ANKRD28: variants seen among roughly 807,000 people sequenced by gnomAD.
The protein encoded by ANKRD28 is serine/threonine-protein phosphatase 6 regulatory ankyrin repeat subunit A.
In ANKRD28, 44 loss-of-function variants were observed where a neutral mutation model predicts 126.5. That is an observed-to-expected ratio of 0.35 (90% CI 0.27 to 0.45). The LOEUF (loss-of-function observed/expected upper bound fraction) is 0.45. Ranked by LOEUF, ANKRD28 falls within the 20% of genes least tolerant of loss-of-function variation. ANKRD28 has a pLI of 1.00. For synonymous variants in ANKRD28, 442 were observed against 468.5 expected, an observed-to-expected ratio of 0.94 and a Z score of 0.73; for missense variants, 1,110 against 1,316.6, an observed-to-expected ratio of 0.84 and a Z score of 2.43.
At chr3:15,739,559 T>A (rs2075292253) in intron 4 of ANKRD28, among the ~76,000 whole-genome samples, 2 of 152,214 alleles carry the variant, frequency 1.3e-5, no homozygotes, top group African/African-American at 4.8e-5. Flanking sequence ...TAACCCTAAA[T>A]GTTCTTATCT....
At position 15,833,249 on chromosome 3, in the gene ANKRD28, C is replaced by T. The variant is rs2061243867; in HGVS notation, c.27+26128G>A. On this transcript the variant is annotated intron_variant, in intron 1 of 27. Coordinates refer to the ANKRD28 transcript ENST00000399451. This position sits in a 1 kb window ranked among gnomAD's most constrained non-coding sequence, Gnocchi z 4.4. Reference sequence around the variant, plus strand: ...GAGTAGGCACCATCTAATCAGCTGTCAGCACAGCTGGAATATGAAGTAGGC... The same window carrying T: ...GAGTAGGCACCATCTAATCAGCTGTTAGCACAGCTGGAATATGAAGTAGGC... Among the ~76,000 whole-genome samples the T allele has an allele frequency of 6.6e-6, 1 of 152,084 alleles. No individual in the cohort carries two copies. The highest frequency in any genetic ancestry group is 1.5e-5 in the Non-Finnish European group (1 of 68,018).
intron 2 of ANKRD28, among the ~76,000 whole-genome samples, chr3:15,785,332 T>C (rs770223865): frequency 6.0e-4 from 91 of 152,138 alleles, no homozygotes; most frequent in Non-Finnish European, 1.1e-3. Context: ...TAAAGAACTG[T>C]TATCCAAAAT....
At chr3:15,782,694 A>G (rs1338609504) in intron 2 of ANKRD28, among the ~76,000 whole-genome samples, 2 of 152,092 alleles carry the variant, frequency 1.3e-5, no homozygotes, top group African/African-American at 4.8e-5. Context: ...ACCTGAATCA[A>G]TCAATAGACT....
At chr3:15,690,820 TTGGTCTC>T (rs1042417276) in intron 17 of ANKRD28, among the ~76,000 whole-genome samples, 2 of 152,122 alleles carry the variant, frequency 1.3e-5, no homozygotes, top group Non-Finnish European at 2.9e-5. Flanking sequence ...TCCTCCTACC[TTGGTCTC>T]TCAAAGTGCT....
chr3:15,717,415 C>T (rs1240196080), intron 8 of ANKRD28, among the ~76,000 whole-genome samples: 3 of 151,882 alleles, frequency 2.0e-5, no homozygotes, highest in Non-Finnish European at 4.4e-5. Flanking sequence ...CCATAAGACA[C>T]GTTAGCGGGG....
intron 2 of ANKRD28, among the ~76,000 whole-genome samples, chr3:15,774,543 ATATAT>A (rs1160550209): frequency 6.6e-6 from 1 of 152,222 alleles, no homozygotes; most frequent in Non-Finnish European, 1.5e-5. Flanking sequence ...TTAACTGCAA[ATATAT>A]TATAAAACTA....
At position 15,812,436 on chromosome 3, in the gene ANKRD28, A is replaced by G. The variant is rs1180542069; in HGVS notation, c.28-17130T>C. ...TAATTACAATTTATACAGTTATTAAAAGCAAAATTAGCTAAATGATTTGTG... is the reference window on the plus strand; with the variant it reads ...TAATTACAATTTATACAGTTATTAAGAGCAAAATTAGCTAAATGATTTGTG... On this transcript the variant is annotated intron_variant, in intron 1 of 27. Coordinates refer to the ANKRD28 transcript ENST00000399451. The surrounding 1 kb of genome is among the most constrained non-coding windows in gnomAD (Gnocchi z 4.1). Among the ~76,000 whole-genome samples the G allele has an allele frequency of 1.3e-5, 2 of 152,238 alleles. No homozygotes were observed. The highest frequency in any genetic ancestry group is 2.9e-5 in the Non-Finnish European group (2 of 68,036).
intron 2 of ANKRD28, among the ~76,000 whole-genome samples, chr3:15,777,710 G>A (rs770622244): frequency 6.6e-6 from 1 of 152,070 alleles, no homozygotes; most frequent in Non-Finnish European, 1.5e-5. Flanking sequence ...ATGTGTACCC[G>A]AAATATGGAG....
chr3:15,673,456 A>C (rs908786856), intron 27 of ANKRD28, among the ~76,000 whole-genome samples: 4 of 152,242 alleles, frequency 2.6e-5, no homozygotes, highest in African/African-American at 9.6e-5. Flanking sequence ...TGCAACTGAC[A>C]AAGATTTCAC....
Position 15,836,896 on chromosome 3 carries a change from C to T in ANKRD28, c.27+22481G>A, listed in dbSNP as rs563443026. Among the ~76,000 whole-genome samples the T allele has an allele frequency of 4.0e-5, 6 of 151,340 alleles. No individual in the cohort carries two copies. The South Asian group carries it at 6.3e-4, about 16-fold the overall frequency. On this transcript the variant is annotated intron_variant, in intron 1 of 27. Transcript: ENST00000399451. ...TCAGGAGATCACAAGGCCAGGAGAT[C>T]GACACCATCCTGGCTAACACGGTGA...
Position 15,846,289 on chromosome 3 carries a change from C to T in ANKRD28, c.27+13088G>A, listed in dbSNP as rs2061529085. Among the ~76,000 whole-genome samples, 1 of 152,210 alleles carries T rather than the reference C, an allele frequency of 6.6e-6. No homozygotes were observed. The highest frequency in any genetic ancestry group is 2.1e-4 in the South Asian group (1 of 4,828). Reference sequence around the variant, plus strand: ...GGAGACACTGGCCAAAACAAAGAGGCTACTGGCCCCATGCAAGTCTGAAAC... The same window carrying T: ...GGAGACACTGGCCAAAACAAAGAGGTTACTGGCCCCATGCAAGTCTGAAAC... On this transcript the variant is annotated intron_variant, in intron 1 of 27. Transcript: ENST00000399451. The surrounding 1 kb of genome is among the most constrained non-coding windows in gnomAD (Gnocchi z 5.4).
At chr3:15,693,146 C>A (rs13324474) in intron 17 of ANKRD28, among the ~76,000 whole-genome samples, 6,293 of 152,170 alleles carry the variant, frequency 0.041, 423 homozygotes, top group African/African-American at 0.14. Context: ...TTAGTTTTAA[C>A]CTTTACAAGA....
At chr3:15,795,766 C>A (rs2060249979) in intron 1 of ANKRD28, among the ~76,000 whole-genome samples, 1 of 152,068 alleles carries the variant, frequency 6.6e-6, no homozygotes, top group East Asian at 1.9e-4. Flanking sequence ...GATACAAATC[C>A]CAAGAAAGCA....
At chr3:15,748,378 G>A (rs560527780) in intron 4 of ANKRD28, among the ~76,000 whole-genome samples, 106 of 152,222 alleles carry the variant, frequency 7.0e-4, no homozygotes, top group African/African-American at 2.4e-3. Flanking sequence ...TTCTTGTAGC[G>A]CTGGCTTGGT....
chr3:15,741,673 C>T (rs571920256), intron 4 of ANKRD28, among the ~76,000 whole-genome samples: 1 of 129,694 alleles, frequency 7.7e-6, no homozygotes, highest in East Asian at 2.1e-4. Context: ...CTCCACAGTA[C>T]CAGTTTTCCC....
chr3:15,842,478 A>AC (rs2061443860), intron 1 of ANKRD28, among the ~76,000 whole-genome samples: 1 of 152,158 alleles, frequency 6.6e-6, no homozygotes, highest in African/African-American at 2.4e-5. Flanking sequence ...GTTAATGGGT[A>AC]GAAAAAAATA....
At chr3:15,694,518 T>A (rs1258064633) in intron 17 of ANKRD28, among the ~76,000 whole-genome samples, 1 of 142,044 alleles carries the variant, frequency 7.0e-6, no homozygotes, top group African/African-American at 2.6e-5. Flanking sequence ...ACTGTCTGTC[T>A]TTTTTTTTTT....
At chr3:15,859,534 C>A in exon 1 of ANKRD28, 1 of 641,442 alleles carries the variant, frequency 1.6e-6, no homozygotes, top group Non-Finnish European at 2.0e-6. Flanking sequence ...CGGCCGACTG[C>A]GCTGAGAAGA....
rs778300634 is a variant in ANKRD28, at chr3:15,762,214, C to CAAAAAAAAAAAAAAAAAAA, written c.280+4019_280+4020insTTTTTTTTTTTTTTTTTTT. The stretch of plus-strand genomic sequence containing the variant: ...AAAAAAAAAAAAAAAAAAAAAAAAA[C>CAAAAAAAAAAAAAAAAAAA]AAAACAAAAAAAAAAAAACTCTCCT... On this transcript the variant is annotated intron_variant, in intron 3 of 27. Transcript: ENST00000683139. Among the ~76,000 whole-genome samples, 2 of 52,564 alleles carry CAAAAAAAAAAAAAAAAAAA rather than the reference C, an allele frequency of 3.8e-5. 1 individual carries two copies. The highest frequency in any genetic ancestry group is 9.3e-5 in the African/African-American group (2 of 21,514). The allele number at this position is 52,564 out of a possible 152,430, so 34.5% of individuals were successfully genotyped here. A position where few individuals can be genotyped will look rare whatever the true frequency, so the allele number is the denominator to read the frequency against.
Sources: gnomAD v4.1 joint callset for allele counts (sites outside exome capture counted in the v4.1 genomes callset) on GRCh38, gnomAD v4.1.1 for gene constraint, Gnocchi (gnomAD v3.1) non-coding constraint, MANE v1.5 for transcripts, NCBI Gene and HGNC (gene_info 2026-07-23, HGNC 2026-07-21) for gene names.